Variants in PCDHGB1 observed in about 807,000 individuals in gnomAD.
PCDHGB1 encodes protocadherin gamma-B1.
A neutral mutation model predicts 56.6 loss-of-function variants in PCDHGB1; 34 were observed. That is an observed-to-expected ratio of 0.60 (90% CI 0.46 to 0.80). The LOEUF (loss-of-function observed/expected upper bound fraction) is 0.80, where lower values mean the gene tolerates loss of function less well. Ranked by LOEUF, PCDHGB1 falls within the 30% of genes least tolerant of loss-of-function variation. PCDHGB1 has a pLI of 0.00. For missense variants in PCDHGB1, 1,278 were observed against 1,204.6 expected (o/e 1.06, Z -0.90); for synonymous variants, 561 against 505.9 (o/e 1.11, Z -1.46).
intron 1 of PCDHGB1, chr5:141,410,284 G>A (rs2095374455): frequency 1.2e-6 from 2 of 1,613,990 alleles, no homozygotes; most frequent in Non-Finnish European, 1.7e-6. Flanking sequence ...ACCTGGTGGT[G>A]GCCTTGGCCT....
At chr5:141,473,229 T>G (rs891825934) in intron 1 of PCDHGB1, among the ~76,000 whole-genome samples, 8 of 152,160 alleles carry the variant, frequency 5.3e-5, no homozygotes, top group Admixed American at 1.3e-4. Context: ...GGAGATTGGA[T>G]CCACACAAGT....
At chr5:141,362,475 C>T (rs377414044) in intron 1 of PCDHGB1, 12 of 1,613,908 alleles carry the variant, frequency 7.4e-6, no homozygotes, top group African/African-American at 1.3e-5. Flanking sequence ...CGCAAGATCT[C>T]GTCTGTGACA....
rs186593502 is a variant in PCDHGB1 at position 141,429,415 on chromosome 5, A to G, written c.2410-65392A>G. Among the ~76,000 whole-genome samples, 582 of 151,976 alleles carry G rather than the reference A, an allele frequency of 3.8e-3. 6 individuals carry two copies. The highest frequency in any genetic ancestry group is 0.011 in the Admixed American group (171 of 15,260). ...AAAAAATTGAGATTAAGGTCTCATT[A>G]TGTTGCCCAGGCTGGACTCAAACTC... is the stretch of plus-strand genomic sequence containing the variant. On this transcript the variant is annotated intron_variant, in intron 1 of 3. Transcript: ENST00000523390.
At chr5:141,409,024 T>C (rs2095212064) in intron 1 of PCDHGB1, 2 of 1,613,988 alleles carry the variant, frequency 1.2e-6, no homozygotes, top group South Asian at 1.1e-5. Context: ...AGGGGGTCAA[T>C]GCTGAGATAA....
intron 1 of PCDHGB1, chr5:141,433,023 A>C: frequency 6.2e-7 from 1 of 1,614,084 alleles, no homozygotes; most frequent in East Asian, 2.2e-5. Context: ...ACCTATTCCC[A>C]CGAGGTTTCC....
chr5:141,415,740 G>GTTTTTTTTTTTTTTTT (rs57426385), intron 1 of PCDHGB1: 34 of 625,042 alleles, frequency 5.4e-5, no homozygotes, highest in African/African-American at 2.0e-4. Flanking sequence ...GTTTATTAAG[G>GTTTTTTTTTTTTTTTT]TTTTTTTTTT....
chr5:141,352,280 C>T lies in PCDHGB1; in HGVS notation c.2020C>T (p.Arg674Cys). ...LQEVLPDLSD[R>C]PEPSDPQTEL... ...AGAGGTATTGCCAGACCTCAGCGAC[C>T]GCCCTGAGCCCTCTGACCCCCAGAC... The change falls in exon 1 of 4, where the codon CGC (arginine) becomes TGC (cysteine). Residue 674 changes from arginine (R) to cysteine (C), a missense_variant. Transcript: ENST00000523390. The T allele has an allele frequency of 1.9e-6, 3 of 1,614,072 alleles. No homozygotes were observed. The highest frequency in any genetic ancestry group is 2.5e-6 in the Non-Finnish European group (3 of 1,179,910).
intron 1 of PCDHGB1, chr5:141,405,033 T>C (rs753061273): frequency 6.8e-6 from 11 of 1,613,844 alleles, no homozygotes; most frequent in Admixed American, 1.7e-5. Context: ...CTCTACCTCG[T>C]TGTGGCTGTG....
chr5:141,356,661 C>G, intron 1 of PCDHGB1: 1 of 1,614,052 alleles, frequency 6.2e-7, no homozygotes, highest in Non-Finnish European at 8.5e-7. Flanking sequence ...ATGCCCGAAT[C>G]ACTTACTCCC....
At position 141,350,787 on chromosome 5, in the gene PCDHGB1, C is replaced by T. The variant is rs1758560543; in HGVS notation, c.527C>T (p.Ser176Phe). 6.2e-7 allele frequency: 1 copy of T among 1,613,992 alleles called. No individual in the cohort carries two copies. The stretch of plus-strand genomic sequence containing the variant: ...ACCATCAACCCCAATCAATACTTCT[C>T]TCTGTCAACGAAGGAAAGTCCTGAT... ...LYTINPNQYF[S>F]LSTKESPDGS... Residue 176 changes from serine to phenylalanine, a missense_variant, in exon 1 of 4, where the codon TCT becomes TTT. Ser to Phe is a radical substitution (Grantham distance 155, BLOSUM62 -2). Transcript: ENST00000523390.
At chr5:141,360,905 C>T (rs368319132) in intron 1 of PCDHGB1, 199 of 1,613,890 alleles carry the variant, frequency 1.2e-4, no homozygotes, top group Middle Eastern at 3.3e-4. Context: ...GACGTGCCGC[C>T]GGGCTTCTTT....
intron 1 of PCDHGB1, chr5:141,415,156 A>T: frequency 6.2e-7 from 1 of 1,613,798 alleles, no homozygotes. Flanking sequence ...TCTCTCCGCC[A>T]CTGTCACGCT....
At chr5:141,494,940 AG>A (rs888721888) in intron 2 of PCDHGB1, 75 bp downstream of exon 2, 1 of 1,610,860 alleles carries the variant, frequency 6.2e-7, no homozygotes, top group Non-Finnish European at 8.5e-7. Flanking sequence ...GAGATGGGGG[AG>A]GGCCCAGCAT....
intron 1 of PCDHGB1, chr5:141,422,096 C>T: frequency 6.2e-7 from 1 of 1,610,710 alleles, no homozygotes; most frequent in Non-Finnish European, 8.5e-7. Context: ...AGCAAGGCTT[C>T]TGAAATATTC....
chr5:141,476,029 A>G lies in PCDHGB1; in HGVS notation c.2410-18778A>G, dbSNP rs975943706. The G allele has an allele frequency of 2.3e-5, 34 of 1,455,312 alleles. No homozygotes were observed. The highest frequency in any genetic ancestry group is 1.1e-4 in the African/African-American group (8 of 70,728). 90.1% of individuals were successfully genotyped at this position (1,455,312 alleles called of 1,614,324 possible). A position where few individuals can be genotyped will look rare whatever the true frequency, so the allele number is the denominator to read the frequency against. On this transcript the variant is annotated intron_variant, in intron 1 of 3. Transcript: ENST00000523390. The surrounding 1 kb of genome is among the most constrained non-coding windows in gnomAD (Gnocchi z 7.6). The stretch of plus-strand genomic sequence containing the variant: ...GAAAGCCATGTCGGACTCGGCGCCC[A>G]GCGCCCAAGCGCTAACCCGCTGAAA...
intron 1 of PCDHGB1, among the ~76,000 whole-genome samples, chr5:141,481,184 C>A (rs2099533291): frequency 6.6e-6 from 1 of 152,146 alleles, no homozygotes; most frequent in African/African-American, 2.4e-5. Flanking sequence ...CTTTATTGGG[C>A]CAGGCCCAAT....
chr5:141,452,749 G>A (rs1453824335), intron 1 of PCDHGB1, among the ~76,000 whole-genome samples: 1 of 152,052 alleles, frequency 6.6e-6, no homozygotes, highest in African/African-American at 2.4e-5. Flanking sequence ...AGAGAAGGAA[G>A]AAGGAAGGGA....
In PCDHGB1 at chr5:141,476,506, C is replaced by T; in HGVS notation, c.2410-18301C>T. 1 of 1,614,068 alleles carries T rather than the reference C, an allele frequency of 6.2e-7. No homozygotes were observed. ...AAGTGGTGATCCAGGACATCAACGA[C>T]AACAATCCTGCTTTCCCTACCCAGG... On this transcript the variant is annotated intron_variant, in intron 1 of 3. Transcript: ENST00000523390. This position sits in a 1 kb window ranked among gnomAD's most constrained non-coding sequence, Gnocchi z 7.6.
chr5:141,487,069 T>C lies in PCDHGB1; in HGVS notation c.2410-7738T>C, dbSNP rs750739955. 26 of 1,614,160 alleles carry C rather than the reference T, an allele frequency of 1.6e-5. No homozygotes were observed. Among genetic ancestry groups the C allele is most frequent in the Non-Finnish European group, 2.0e-5 (24 of 1,180,002 alleles). On this transcript the variant is annotated intron_variant, in intron 1 of 3. Transcript: ENST00000523390. This position sits in a 1 kb window ranked among gnomAD's most constrained non-coding sequence, Gnocchi z 5.0. The stretch of plus-strand genomic sequence containing the variant: ...ATGCTGGGGAGGTGCGGACGGCTGT[T>C]CCTATCCCAGCTGACCTCCCACCAC...
Sources: gnomAD v4.1 joint callset for allele counts (sites outside exome capture counted in the v4.1 genomes callset) on GRCh38, gnomAD v4.1.1 for gene constraint, Gnocchi (gnomAD v3.1) non-coding constraint, MANE v1.5 for transcripts, NCBI Gene and HGNC (gene_info 2026-07-23, HGNC 2026-07-21) for gene names.